The following FOLH1 variants were observed in gnomAD, a reference collection of about 807,000 sequenced individuals.
FOLH1 encodes folate hydrolase 1, also known as glutamate carboxypeptidase 2.
Under a neutral mutation model 93.9 loss-of-function variants are expected in FOLH1, and 54 were observed. That is an observed-to-expected ratio of 0.57 (90% CI 0.46 to 0.72). The LOEUF is 0.72. FOLH1 is among the 30% of genes least tolerant of loss of function. The pLI is 0.00. For synonymous variants in FOLH1, 249 were observed against 303.6 expected, an observed-to-expected ratio of 0.82 and a Z score of 1.87; for missense variants, 571 against 892.5, an observed-to-expected ratio of 0.64 and a Z score of 4.59.
intron 5 of FOLH1, among the ~76,000 whole-genome samples, chr11:49,186,288 A>C (rs1590626127): frequency 6.6e-6 from 1 of 152,352 alleles, no homozygotes; most frequent in South Asian, 2.1e-4. Context: ...TATTTATAAC[A>C]ATTCATACTA....
intron 4 of FOLH1, among the ~76,000 whole-genome samples, chr11:49,188,342 C>T (rs1861645373): frequency 6.6e-6 from 1 of 151,486 alleles, no homozygotes; most frequent in Non-Finnish European, 1.5e-5. Context: ...TAGTGAAAAC[C>T]CATGTCTACT....
intron 1 of FOLH1, chr11:49,208,082 A>T: frequency 1.6e-6 from 1 of 626,636 alleles, no homozygotes; most frequent in Non-Finnish European, 2.9e-6. Context: ...TGACTGTCCT[A>T]CCAGCAGCTT....
At chr11:49,157,024 A>G (rs984441603) in intron 14 of FOLH1, among the ~76,000 whole-genome samples, 7 of 152,156 alleles carry the variant, frequency 4.6e-5, no homozygotes, top group African/African-American at 1.7e-4. Flanking sequence ...ATTTTATGTC[A>G]CATTTTGTTA....
intron 4 of FOLH1, among the ~76,000 whole-genome samples, chr11:49,187,899 G>A (rs928068737): frequency 8.5e-5 from 13 of 152,178 alleles, no homozygotes; most frequent in African/African-American, 2.9e-4. Context: ...TCAGTCTAAC[G>A]TAGGACAATT....
intron 3 of FOLH1, among the ~76,000 whole-genome samples, chr11:49,197,056 TA>T (rs1862700410): frequency 6.6e-6 from 1 of 152,184 alleles, no homozygotes; most frequent in Admixed American, 6.5e-5. Context: ...AAATTTCCCA[TA>T]TTTTTTTCTG....
In FOLH1 at chr11:49,175,907, T is replaced by C; in HGVS notation, c.971A>G (p.Lys324Arg). 6.2e-7 allele frequency: 1 copy of C among 1,613,840 alleles called. No homozygotes were observed. The highest frequency in any genetic ancestry group is 1.1e-5 in the South Asian group (1 of 91,068). The part of the protein sequence containing the change: ...PPDSSWRGSL[K>R]VPYNVGPGFT... ...GCCAGGTCCAACATTGTAGGGCACT[T>C]TGAGACTTCCTCTCCAGCTGCTATC... Residue 324 changes from lysine (K) to arginine (R), a missense_variant, in exon 8 of 19, where the codon AAA becomes AGA. Around this residue, in one of 2 missense-constraint regions of FOLH1, gnomAD observed 500 missense variants for 822.9 expected, o/e 0.61. Coordinates refer to ENST00000256999, the MANE Select transcript of FOLH1 (RefSeq NM_004476.3).
At chr11:49,151,601 C>CTAT (rs543684413) in intron 17 of FOLH1, among the ~76,000 whole-genome samples, 6,329 of 152,268 alleles carry the variant, frequency 0.042, 151 homozygotes, top group Non-Finnish European at 0.055. Flanking sequence ...TCAGAATTTA[C>CTAT]TATTATGTGC....
intron 13 of FOLH1, among the ~76,000 whole-genome samples, chr11:49,158,363 A>G (rs1198490439): frequency 6.6e-6 from 1 of 152,190 alleles, no homozygotes; most frequent in Non-Finnish European, 1.5e-5. Context: ...CTGAATTAAA[A>G]GATACTACAG....
At chr11:49,158,484 A>G (rs1857273689) in intron 13 of FOLH1, among the ~76,000 whole-genome samples, 1 of 152,168 alleles carries the variant, frequency 6.6e-6, no homozygotes, top group Non-Finnish European at 1.5e-5. Flanking sequence ...AAAGTCATTC[A>G]ATAATATACA....
At chr11:49,153,534 AG>A (rs1373373010) in intron 17 of FOLH1, among the ~76,000 whole-genome samples, 1 of 152,098 alleles carries the variant, frequency 6.6e-6, no homozygotes, top group African/African-American at 2.4e-5. Flanking sequence ...GTCAGGAGGG[AG>A]GGACTGACAT....
chr11:49,175,574 G>T (rs1379913364), intron 8 of FOLH1, among the ~76,000 whole-genome samples: 3 of 152,148 alleles, frequency 2.0e-5, no homozygotes, highest in Non-Finnish European at 4.4e-5. Context: ...TGATTCTGAA[G>T]CTGCATCTAA....
intron 6 of FOLH1, among the ~76,000 whole-genome samples, chr11:49,184,052 T>A (rs1398004796): frequency 6.6e-6 from 1 of 152,156 alleles, no homozygotes; most frequent in Non-Finnish European, 1.5e-5. Flanking sequence ...TCTTCAGACT[T>A]AAGAAAAATC....
intron 6 of FOLH1, among the ~76,000 whole-genome samples, chr11:49,185,325 C>T (rs1271280381): frequency 6.6e-6 from 1 of 152,112 alleles, no homozygotes; most frequent in African/African-American, 2.4e-5. Context: ...TACTACTTAG[C>T]GTAAGTATTC....
intron 17 of FOLH1, among the ~76,000 whole-genome samples, chr11:49,150,620 G>T (rs1449974904): frequency 6.6e-6 from 1 of 152,098 alleles, no homozygotes; most frequent in East Asian, 1.9e-4. Context: ...AACAGATGGT[G>T]ATTACTTAAG....
In FOLH1 at chr11:49,148,732, C is replaced by A; in HGVS notation, c.1971-1G>T. On this transcript the variant is annotated splice_acceptor_variant, in intron 17 of 18. Transcript: ENST00000256999. LOFTEE classifies it high-confidence loss of function. ...ATTCATCATTCTTAATACTATTGGG[C>A]TGAGAAAGAAAATGAATATAATTAT... is the stretch of plus-strand genomic sequence containing the variant. The A allele has an allele frequency of 6.4e-7, 1 of 1,563,760 alleles. No homozygotes were observed.
intron 17 of FOLH1, among the ~76,000 whole-genome samples, chr11:49,149,083 G>A (rs1344780433): frequency 6.6e-6 from 1 of 152,062 alleles, no homozygotes; most frequent in Non-Finnish European, 1.5e-5. Context: ...GACACAGGGT[G>A]GGGAACATCA....
At chr11:49,157,292 T>G (rs553518895) in intron 14 of FOLH1, among the ~76,000 whole-genome samples, 1 of 152,074 alleles carries the variant, frequency 6.6e-6, no homozygotes, top group Non-Finnish European at 1.5e-5. Context: ...AGCAAAATAT[T>G]TGTTAACTAT....
chr11:49,186,927 GA>G (rs762938423), intron 4 of FOLH1, among the ~76,000 whole-genome samples, 158 bp from the exon 5 acceptor site: 1 of 152,130 alleles, frequency 6.6e-6, no homozygotes, highest in Non-Finnish European at 1.5e-5. Flanking sequence ...AGGGAAAAAT[GA>G]ATTTAAATTG....
intron 7 of FOLH1, among the ~76,000 whole-genome samples, chr11:49,178,612 C>A (rs1304931606): frequency 2.0e-5 from 3 of 152,046 alleles, no homozygotes; most frequent in Non-Finnish European, 2.9e-5. Context: ...ACTGAAATTT[C>A]TCTTTAGGTT....
Sources: gnomAD v4.1 joint callset for allele counts (sites outside exome capture counted in the v4.1 genomes callset) on GRCh38, gnomAD v4.1.1 for gene constraint, gnomAD v4.1.1 regional missense constraint, MANE v1.5 for transcripts, NCBI Gene and HGNC (gene_info 2026-07-23, HGNC 2026-07-21) for gene names.